MEGF11: variants seen among roughly 807,000 people sequenced by gnomAD.
MEGF11 encodes the protein multiple EGF like domains 11.
Under a neutral mutation model 146.6 loss-of-function variants are expected in MEGF11, and 126 were observed. The ratio of observed to expected loss-of-function variants is 0.86; its 90% CI spans 0.74 to 1.00. The LOEUF is 1.00. Among genes scored for constraint, MEGF11 ranks in the 50% least tolerant of loss-of-function variants. The pLI is 0.00. For missense variants in MEGF11, 1,509 were observed against 1,521.2 expected (o/e 0.99, Z 0.13); for synonymous variants, 532 against 583.4 (o/e 0.91, Z 1.27).
At chr15:65,954,676 C>T (rs1214236905) in intron 10 of MEGF11, among the ~76,000 whole-genome samples, 1 of 152,174 alleles carries the variant, frequency 6.6e-6, no homozygotes, top group East Asian at 1.9e-4. Context: ...TGCACCTGTG[C>T]CCCAAAGTTC....
Position 66,149,346 on chromosome 15 carries a change from G to T in MEGF11, c.-8-20935C>A, listed in dbSNP as rs77912320. Among the ~76,000 whole-genome samples the T allele has an allele frequency of 7.4e-3, 1,123 of 152,308 alleles. 10 individuals are homozygous for T. The highest frequency in any genetic ancestry group is 0.026 in the African/African-American group (1,077 of 41,550). On this transcript the variant is annotated intron_variant, in intron 1 of 25. Transcript: ENST00000395614. ...TTCCTTGTGGCCTTGACCGTCACTT[G>T]ATCTCTCCAACCCTTGGTTTCCACC...
chr15:65,970,386 G>A (rs2081262723), intron 8 of MEGF11, among the ~76,000 whole-genome samples, 167 bp downstream of exon 8: 1 of 152,192 alleles, frequency 6.6e-6, no homozygotes, highest in Non-Finnish European at 1.5e-5. Flanking sequence ...GCAGGCCGAG[G>A]GTGAGGAGGG....
chr15:66,100,597 G>A (rs2086752604), intron 4 of MEGF11, among the ~76,000 whole-genome samples: 1 of 152,078 alleles, frequency 6.6e-6, no homozygotes, highest in African/African-American at 2.4e-5. Context: ...CACATTCATT[G>A]CAAGACTAAA....
chr15:66,178,759 G>A (rs2090460032), intron 1 of MEGF11, among the ~76,000 whole-genome samples: 1 of 152,104 alleles, frequency 6.6e-6, no homozygotes, highest in Non-Finnish European at 1.5e-5. Context: ...CCAACCCCTT[G>A]CCTGTCTGAA....
At chr15:66,003,111 A>T (rs1180774032) in intron 5 of MEGF11, among the ~76,000 whole-genome samples, 1 of 151,660 alleles carries the variant, frequency 6.6e-6, no homozygotes, top group Non-Finnish European at 1.5e-5. Flanking sequence ...CTCCTGCCTC[A>T]GCCTTCTGAG....
At chr15:66,135,303 A>G (rs1298776377) in intron 1 of MEGF11, among the ~76,000 whole-genome samples, 1 of 152,224 alleles carries the variant, frequency 6.6e-6, no homozygotes, top group Non-Finnish European at 1.5e-5. Flanking sequence ...GCATGGCTGT[A>G]TGTTTTGGGA....
intron 5 of MEGF11, among the ~76,000 whole-genome samples, chr15:66,028,810 C>T (rs2083422763): frequency 6.6e-6 from 1 of 152,154 alleles, no homozygotes; most frequent in African/African-American, 2.4e-5. Flanking sequence ...GTGTGTATAA[C>T]TACATAATCA....
At chr15:65,925,060 CTT>C (rs1230537116) in intron 13 of MEGF11, among the ~76,000 whole-genome samples, 1 of 152,172 alleles carries the variant, frequency 6.6e-6, no homozygotes, top group Non-Finnish European at 1.5e-5. Flanking sequence ...ACCAGGCACT[CTT>C]TGCCAGCTGA....
At chr15:65,919,564 G>T (rs1043596842) in intron 15 of MEGF11, among the ~76,000 whole-genome samples, 1 of 152,174 alleles carries the variant, frequency 6.6e-6, no homozygotes, top group Non-Finnish European at 1.5e-5. Flanking sequence ...ACACAGACAC[G>T]AAGTGTACAC....
At chr15:66,052,960 T>A (rs528071314) in intron 5 of MEGF11, among the ~76,000 whole-genome samples, 2 of 152,106 alleles carry the variant, frequency 1.3e-5, no homozygotes, top group African/African-American at 4.8e-5. Context: ...CAACTTAGGA[T>A]CTTGATGACC....
intron 10 of MEGF11, among the ~76,000 whole-genome samples, chr15:65,941,197 C>T (rs988783685): frequency 2.0e-5 from 3 of 152,136 alleles, no homozygotes; most frequent in Admixed American, 6.5e-5. Context: ...AGGTGAACTG[C>T]TTGAGGTCAG....
At chr15:65,994,631 G>C (rs1392481159) in intron 5 of MEGF11, among the ~76,000 whole-genome samples, 2 of 152,192 alleles carry the variant, frequency 1.3e-5, no homozygotes, top group East Asian at 3.9e-4. Context: ...GGGCAGCCGA[G>C]AGTCAGCCAG....
At chr15:65,906,769 C>T (rs961747618) in intron 23 of MEGF11, 11 of 152,216 alleles carry the variant, frequency 7.2e-5, no homozygotes, top group African/African-American at 2.7e-4. Context: ...ATAGCCAGTT[C>T]TCTTAGTTAC....
At chr15:65,937,842 C>T (rs548264376) in intron 10 of MEGF11, among the ~76,000 whole-genome samples, 1 of 152,256 alleles carries the variant, frequency 6.6e-6, no homozygotes, top group African/African-American at 2.4e-5. Context: ...CAGTTAACTT[C>T]ATCACAGGTA....
At chr15:66,125,950 G>A (rs1040160025) in intron 2 of MEGF11, among the ~76,000 whole-genome samples, 7 of 152,296 alleles carry the variant, frequency 4.6e-5, no homozygotes, top group Admixed American at 2.6e-4. Context: ...TGGGCCGAAC[G>A]AGTCTGGCAA....
intron 13 of MEGF11, among the ~76,000 whole-genome samples, chr15:65,925,727 G>A (rs1276890247): frequency 6.6e-6 from 1 of 152,090 alleles, no homozygotes; most frequent in South Asian, 2.1e-4. Context: ...CTAAATTGGT[G>A]GGTAAACCTA....
chr15:66,170,969 G>C (rs1029746532), intron 1 of MEGF11, among the ~76,000 whole-genome samples: 1 of 152,218 alleles, frequency 6.6e-6, no homozygotes, highest in Non-Finnish European at 1.5e-5. Context: ...AGGTGGACTT[G>C]ATGGATGTGA....
chr15:66,234,655 G>A (rs1244386921), intron 1 of MEGF11, among the ~76,000 whole-genome samples: 1 of 152,186 alleles, frequency 6.6e-6, no homozygotes, highest in Non-Finnish European at 1.5e-5. Flanking sequence ...TCCCTACAAT[G>A]GAATGCAGAT....
At chr15:66,095,864 G>A (rs752292176) in intron 4 of MEGF11, among the ~76,000 whole-genome samples, 56 of 152,192 alleles carry the variant, frequency 3.7e-4, no homozygotes, top group Non-Finnish European at 5.7e-4. Flanking sequence ...AGCCCCGCTC[G>A]CTTGCAGCCC....
Sources: gnomAD v4.1 joint callset for allele counts (sites outside exome capture counted in the v4.1 genomes callset) on GRCh38, gnomAD v4.1.1 for gene constraint, MANE v1.5 for transcripts, NCBI Gene and HGNC (gene_info 2026-07-23, HGNC 2026-07-21) for gene names.